TRIML2: variants seen among roughly 807,000 people sequenced by gnomAD.
The protein encoded by TRIML2 is tripartite motif family like 2, also known as probable E3 ubiquitin-protein ligase TRIML2.
TRIML2 carries 28 observed loss-of-function variants against 31.2 expected under a neutral mutation model. The observed-to-expected ratio is 0.90, with a 90% CI of 0.66 to 1.23. The LOEUF is 1.23. TRIML2 is among the 50% of genes most tolerant of loss of function. TRIML2 has a pLI of 0.00. For synonymous variants in TRIML2, 187 were observed against 197.5 expected (o/e 0.95, Z 0.45); for missense variants, 536 against 528.3 (o/e 1.01, Z -0.14).
At chr4:188,099,261 CA>C (rs1265278574) in intron 4 of TRIML2, 86 bp from the exon 5 acceptor site, 3 of 1,488,888 alleles carry the variant, frequency 2.0e-6, no homozygotes, top group African/African-American at 1.4e-5. Context: ...TTAATTCAAC[CA>C]TGTTTTTAAA....
chr4:188,105,528 C>T lies in TRIML2; in HGVS notation c.-160G>A, dbSNP rs1733990683. 7 of 516,284 alleles carry T rather than the reference C, an allele frequency of 1.4e-5. No homozygotes were observed. The highest frequency in any genetic ancestry group is 3.1e-5 in the Admixed American group (1 of 31,888). The allele number at this position is 516,284 out of a possible 1,614,324, so 32.0% of individuals were successfully genotyped here. A position where few individuals can be genotyped will look rare whatever the true frequency, so the allele number is the denominator to read the frequency against. Reference sequence around the variant, plus strand: ...ACGAAGATCCAAGGAAATAAGTCCACGCAGACAGAGCGGGTCGGCGCTCTG... The same window carrying T: ...ACGAAGATCCAAGGAAATAAGTCCATGCAGACAGAGCGGGTCGGCGCTCTG... On this transcript the variant is annotated 5_prime_UTR_variant, in exon 2 of 8. It adds an upstream start codon to the 5' untranslated region. Transcript: ENST00000682553.
In TRIML2 at chr4:188,105,335, T is replaced by A; in HGVS notation, c.34A>T (p.Asn12Tyr). ...TCACAATAGGCATCTTCTGTGATGT[T>A]GTGCTGTAACTGAGGGCTGAGCCTT... Reference protein sequence around the residue: ...SKRLSPQLQHNITEDAYCETH... With the variant: ...SKRLSPQLQHYITEDAYCETH... Residue 12 changes from asparagine (N) to tyrosine (Y), a missense_variant, in exon 2 of 8, where the codon AAC (asparagine) becomes TAC (tyrosine). Transcript: ENST00000682553. 6.3e-7 allele frequency: 1 copy of A among 1,597,586 alleles called. No individual in the cohort carries two copies. Among genetic ancestry groups the A allele is most frequent in the East Asian group, 2.3e-5 (1 of 44,418 alleles).
intron 4 of TRIML2, among the ~76,000 whole-genome samples, chr4:188,100,132 G>T (rs1268753532): frequency 6.6e-6 from 1 of 152,118 alleles, no homozygotes; most frequent in Non-Finnish European, 1.5e-5. Context: ...TGTATGTATG[G>T]AGCACATTTT....
intron 4 of TRIML2, among the ~76,000 whole-genome samples, chr4:188,100,446 G>A (rs2111174428): frequency 6.6e-6 from 1 of 152,316 alleles, no homozygotes; most frequent in South Asian, 2.1e-4. Flanking sequence ...TTCTAGGCCG[G>A]GCGCGGTGGC....
At chr4:188,106,823 GC>G (rs1451729946) in intron 1 of TRIML2, 8 of 248,858 alleles carry the variant, frequency 3.2e-5, no homozygotes, top group African/African-American at 1.9e-4. Flanking sequence ...AGGTGGCCAA[GC>G]GAGAAGACAG....
rs566919237 is a variant in TRIML2 at position 188,099,985 on chromosome 4, G to T, written c.481-810C>A. Among the ~76,000 whole-genome samples, 17 of 152,132 alleles carry T rather than the reference G, an allele frequency of 1.1e-4. No individual in the cohort carries two copies. The East Asian group carries it at 3.3e-3, about 29-fold the overall frequency. Reference sequence around the variant, plus strand: ...GCAACTTGAGTATGTTATTTAGGGGGAAAAAACATAAACATAAGTGATAGT... The same window carrying T: ...GCAACTTGAGTATGTTATTTAGGGGTAAAAAACATAAACATAAGTGATAGT... On this transcript the variant is annotated intron_variant, in intron 4 of 7. Transcript: ENST00000682553.
intron 5 of TRIML2, 168 bp downstream of exon 5, chr4:188,098,867 A>G: frequency 2.8e-6 from 2 of 718,640 alleles, no homozygotes. Flanking sequence ...CCACAAAGCT[A>G]TGACCATTCC....
At chr4:188,099,306 C>T in intron 4 of TRIML2, 131 bp from the exon 5 acceptor site, 3 of 1,203,262 alleles carry the variant, frequency 2.5e-6, no homozygotes, top group East Asian at 2.5e-5. Context: ...GTGGCTCACG[C>T]CTGTAATCCC....
rs915385133 is a variant in TRIML2 at position 188,091,728 on chromosome 4, A to G, written c.959T>C (p.Ile320Thr). The G allele has an allele frequency of 1.2e-6, 2 of 1,613,906 alleles. No homozygotes were observed. Among genetic ancestry groups the G allele is most frequent in the African/African-American group, 1.3e-5 (1 of 74,872 alleles). ...VEKATRWQVG[I>T]YHGSADAKGS... ...CTTCGCGTCTGCAGAGCCGTGGTAT[A>G]TGCCCACTTGCCACCTGGTTGCCTT... The change falls in exon 8 of 8, where the codon ATA (isoleucine) becomes ACA (threonine). Residue 320 changes from isoleucine (I) to threonine (T), a missense_variant. Transcript: ENST00000682553.
At chr4:188,098,147 C>A in intron 5 of TRIML2, 2 of 302,778 alleles carry the variant, frequency 6.6e-6, no homozygotes, top group Non-Finnish European at 1.4e-5. Context: ...AAAAGGTAAC[C>A]CACTTTCTGA....
Position 188,091,616 on chromosome 4 carries a change from A to AG in TRIML2, c.1070dup (p.Leu358SerfsTer18), listed in dbSNP as rs747163070. 1.9e-6 allele frequency: 3 copies of AG among 1,614,146 alleles called. No individual in the cohort carries two copies. The highest frequency in any genetic ancestry group is 2.2e-5 in the East Asian group (1 of 44,874). On this transcript the variant is annotated frameshift_variant, in exon 8 of 8. Transcript: ENST00000682553. LOFTEE classifies it low-confidence loss of function (END_TRUNC). ...TCTTTTCCAGGAAGAGCCTTTTCAG[A>AG]GGGGGGAAGACCCAGAGAGTCCACT...
chr4:188,104,912 C>A lies in TRIML2; in HGVS notation c.210G>T (p.Leu70Phe). The A allele has an allele frequency of 2.5e-6, 4 of 1,613,786 alleles. No homozygotes were observed. The highest frequency in any genetic ancestry group is 1.1e-5 in the South Asian group (1 of 91,068). ...ENYRKLFQEI[L>F]NTSREKLEAA... is the part of the protein sequence containing the mutation. Reference sequence around the variant, plus strand: ...CTTCAAGTTTCTCCCTCGATGTGTTCAATATTTCCTGGAATAACTTCTATA... The same window carrying A: ...CTTCAAGTTTCTCCCTCGATGTGTTAAATATTTCCTGGAATAACTTCTATA... Residue 70 changes from leucine to phenylalanine, a missense_variant, in exon 3 of 8, where the codon TTG (leucine) becomes TTT (phenylalanine). Transcript: ENST00000682553.
intron 3 of TRIML2, 121 bp downstream of exon 3, chr4:188,104,716 C>T: frequency 2.4e-6 from 2 of 839,098 alleles, no homozygotes; most frequent in Admixed American, 2.2e-5. Flanking sequence ...ACTTTTCCTT[C>T]CTATAGATTT....
At chr4:188,103,005 GT>G (rs145048322) in intron 3 of TRIML2, among the ~76,000 whole-genome samples, 19,222 of 97,890 alleles carry the variant, frequency 0.2, 1,183 homozygotes, top group Middle Eastern at 0.27. Context: ...TACTCTCTTG[GT>G]TTTTTTTTTT....
In TRIML2 at chr4:188,101,162, TG is replaced by T. The variant is rs1456093890; in HGVS notation, c.373del (p.Gln125ArgfsTer10). ...GTCAGATATGCATTCCTGCTGTCTC[TG>T]GAGATTCTGCTCACACTCTTCATTC... The part of the protein sequence containing the change: ...LLNEECEQNL[Q>X]RQQECISDLN... On this transcript the variant is annotated frameshift_variant, in exon 4 of 8. Transcript: ENST00000682553. LOFTEE classifies it high-confidence loss of function. 1 of 1,613,856 alleles carries T rather than the reference TG, an allele frequency of 6.2e-7. No homozygotes were observed. Among genetic ancestry groups the T allele is most frequent in the Admixed American group, 1.7e-5 (1 of 59,984 alleles).
intron 7 of TRIML2, among the ~76,000 whole-genome samples, chr4:188,093,257 A>G (rs745960443): frequency 6.6e-6 from 1 of 152,208 alleles, no homozygotes; most frequent in Non-Finnish European, 1.5e-5. Flanking sequence ...CTGAATTTGA[A>G]GCCCAATTCA....
chr4:188,104,771 A>T, intron 3 of TRIML2, 66 bp downstream of exon 3: 4 of 1,289,782 alleles, frequency 3.1e-6, no homozygotes, highest in Non-Finnish European at 3.4e-6. Flanking sequence ...TTTGTTTATG[A>T]TACACTATTT....
chr4:188,096,918 A>G, intron 7 of TRIML2, 143 bp downstream of exon 7: 1 of 638,334 alleles, frequency 1.6e-6, no homozygotes, highest in Non-Finnish European at 2.8e-6. Context: ...TGGCCTCCCA[A>G]AGTGCTGGGA....
intron 3 of TRIML2, among the ~76,000 whole-genome samples, chr4:188,103,619 T>C (rs1733899133): frequency 6.6e-6 from 1 of 152,148 alleles, no homozygotes; most frequent in South Asian, 2.1e-4. Flanking sequence ...AAGGTTCTGA[T>C]CACTTTATTT....
Sources: allele counts gnomAD v4.1 joint callset (sites outside exome capture counted in the v4.1 genomes callset), GRCh38; gene constraint gnomAD v4.1.1; transcripts MANE v1.5; gene names NCBI Gene and HGNC (gene_info 2026-07-23, HGNC 2026-07-21).